CAMTA1: variants seen among roughly 807,000 people sequenced by gnomAD.
CAMTA1 encodes calmodulin binding transcription activator 1.
CAMTA1 carries 27 observed loss-of-function variants against 170.9 expected under a neutral mutation model. The observed-to-expected ratio is 0.16, with a 90% CI of 0.12 to 0.22. CAMTA1 has a LOEUF of 0.22. Ranked by LOEUF, CAMTA1 falls within the 10% of genes least tolerant of loss-of-function variation. CAMTA1 has a pLI of 1.00. For synonymous variants in CAMTA1, 833 were observed against 891.5 expected, an observed-to-expected ratio of 0.93 and a Z score of 1.17; for missense variants, 1,619 against 2,217.2, an observed-to-expected ratio of 0.73 and a Z score of 5.42.
intron 6 of CAMTA1, among the ~76,000 whole-genome samples, chr1:7,611,198 A>AGACCAG (rs2095521666): frequency 6.6e-6 from 1 of 152,212 alleles, no homozygotes; most frequent in Admixed American, 6.5e-5. Context: ...TGGGGATAAG[A>AGACCAG]GACCAGGGCC....
At chr1:7,212,342 G>C (rs972525649) in intron 4 of CAMTA1, among the ~76,000 whole-genome samples, 1 of 152,092 alleles carries the variant, frequency 6.6e-6, no homozygotes, top group African/African-American at 2.4e-5. Context: ...AAAAAAGTTA[G>C]ATCCAGAGAC....
chr1:7,283,387 A>G (rs1671791439), intron 5 of CAMTA1, among the ~76,000 whole-genome samples: 1 of 151,948 alleles, frequency 6.6e-6, no homozygotes. Context: ...CCCGCTCTCT[A>G]CTTTCTCCGA....
rs949552926 is a variant in CAMTA1, at chr1:7,050,208, C to T, written c.235-41096C>T. On this transcript the variant is annotated intron_variant, in intron 3 of 22. Coordinates refer to ENST00000303635, the MANE Select transcript of CAMTA1 (RefSeq NM_015215.4). This position sits in a 1 kb window ranked among gnomAD's most constrained non-coding sequence, Gnocchi z 4.8. Reference sequence around the variant, plus strand: ...CACGGAGGACTCAGGCGGCTGTTCCCGGCCTGCACCCTGGTCCTCCATGGT... The same window carrying T: ...CACGGAGGACTCAGGCGGCTGTTCCTGGCCTGCACCCTGGTCCTCCATGGT... 1.3e-5 allele frequency among the ~76,000 whole-genome samples: 2 copies of T among 152,144 alleles called. No individual in the cohort carries two copies. Among genetic ancestry groups the T allele is most frequent in the African/African-American group, 2.4e-5 (1 of 41,418 alleles).
chr1:7,736,371 A>T lies in CAMTA1; in HGVS notation c.3094A>T (p.Ser1032Cys). The change falls in exon 13 of 23, where the codon AGC (serine) becomes TGC (cysteine). Residue 1032 changes from serine (S) to cysteine (C), a missense_variant. Physicochemically the swap from Ser to Cys is moderately radical, Grantham distance 112. Coordinates refer to ENST00000303635, the MANE Select transcript of CAMTA1 (RefSeq NM_015215.4). This position sits in a 1 kb window ranked among gnomAD's most constrained non-coding sequence, Gnocchi z 4.5. ...QCASGTGALGSCFESRVVVVC... is the reference protein window; with the variant it reads ...QCASGTGALGCCFESRVVVVC... ...TGCTTCTGGGACTGGGGCCTTGGGG[A>T]GCTGCTTTGAGAGCCGTGTGGTCGT... 1.4e-5 allele frequency: 22 copies of T among 1,613,890 alleles called. No individual in the cohort carries two copies. Among genetic ancestry groups the T allele is most frequent in the Non-Finnish European group, 1.9e-5 (22 of 1,179,984 alleles).
chr1:6,799,399 G>A (rs1451204051), intron 1 of CAMTA1, among the ~76,000 whole-genome samples: 1 of 152,212 alleles, frequency 6.6e-6, no homozygotes, highest in Non-Finnish European at 1.5e-5. Context: ...GAATGCTGGT[G>A]AGCAGGACTC....
chr1:7,012,134 C>T (rs1177490614), intron 3 of CAMTA1, among the ~76,000 whole-genome samples: 1 of 152,140 alleles, frequency 6.6e-6, no homozygotes, highest in Non-Finnish European at 1.5e-5. Context: ...GCTGATGTCA[C>T]GGTTCAAGTT....
chr1:7,644,725 G>A (rs983465272), intron 7 of CAMTA1, among the ~76,000 whole-genome samples: 6 of 152,208 alleles, frequency 3.9e-5, no homozygotes, highest in South Asian at 4.1e-4. Context: ...CTCTGGTGTC[G>A]TTGGACAGAA....
chr1:7,011,124 G>A (rs1297937313), intron 3 of CAMTA1, among the ~76,000 whole-genome samples: 4 of 152,234 alleles, frequency 2.6e-5, no homozygotes, highest in Admixed American at 2.0e-4. Context: ...GCAGAAGGAA[G>A]CCACTGCAGA....
At chr1:7,238,156 C>T (rs1010546049) in intron 4 of CAMTA1, among the ~76,000 whole-genome samples, 1 of 145,304 alleles carries the variant, frequency 6.9e-6, no homozygotes, top group Non-Finnish European at 1.5e-5. Context: ...AGTCTTCTTT[C>T]TTTTTTTTTT....
At chr1:7,271,005 C>T (rs1252715096) in intron 5 of CAMTA1, among the ~76,000 whole-genome samples, 1 of 152,074 alleles carries the variant, frequency 6.6e-6, no homozygotes, top group Non-Finnish European at 1.5e-5. Flanking sequence ...GAAAATGAAA[C>T]CCAAAATCAT....
chr1:7,277,119 T>C (rs1373827775), intron 5 of CAMTA1, among the ~76,000 whole-genome samples: 1 of 152,162 alleles, frequency 6.6e-6, no homozygotes, highest in Non-Finnish European at 1.5e-5. Flanking sequence ...AGACTCAGTG[T>C]TGTTAAGATG....
chr1:6,913,227 A>G (rs1157060290), intron 3 of CAMTA1, among the ~76,000 whole-genome samples: 1 of 152,162 alleles, frequency 6.6e-6, no homozygotes, highest in Non-Finnish European at 1.5e-5. Flanking sequence ...TCTGGCGGCC[A>G]CTGCTTGGCC....
At chr1:7,111,254 C>G (rs1200445189) in intron 4 of CAMTA1, among the ~76,000 whole-genome samples, 1 of 152,206 alleles carries the variant, frequency 6.6e-6, no homozygotes, top group African/African-American at 2.4e-5. Flanking sequence ...ATTCAACTTG[C>G]CAACTTACTT....
intron 5 of CAMTA1, among the ~76,000 whole-genome samples, chr1:7,267,277 G>A (rs1377176419): frequency 6.6e-6 from 1 of 152,128 alleles, no homozygotes; most frequent in Non-Finnish European, 1.5e-5. Flanking sequence ...GCATTTCTGT[G>A]AAGTCATCAA....
intron 5 of CAMTA1, among the ~76,000 whole-genome samples, chr1:7,381,187 G>A (rs1457477743): frequency 1.3e-5 from 2 of 151,054 alleles, no homozygotes; most frequent in African/African-American, 4.9e-5. Context: ...AAGTTTTAGG[G>A]TACATGTGCA....
At chr1:6,792,720 A>C (rs768529797) in intron 1 of CAMTA1, among the ~76,000 whole-genome samples, 24 of 152,076 alleles carry the variant, frequency 1.6e-4, no homozygotes, top group Non-Finnish European at 2.6e-4. Flanking sequence ...TCTCCTGTAC[A>C]TGAATCCTTT....
chr1:7,492,335 C>T (rs562059708), intron 6 of CAMTA1, among the ~76,000 whole-genome samples: 2 of 152,280 alleles, frequency 1.3e-5, no homozygotes, highest in Admixed American at 6.5e-5. Flanking sequence ...GCAGGGCTTA[C>T]GGGCGTGACA....
At chr1:7,337,272 G>A (rs1354670043) in intron 5 of CAMTA1, among the ~76,000 whole-genome samples, 3 of 152,198 alleles carry the variant, frequency 2.0e-5, no homozygotes, top group Admixed American at 6.5e-5. Flanking sequence ...TCCTTTGAGG[G>A]GAGGTAAGCA....
At chr1:7,420,610 G>A (rs1399611273) in intron 5 of CAMTA1, among the ~76,000 whole-genome samples, 3 of 151,968 alleles carry the variant, frequency 2.0e-5, no homozygotes, top group Non-Finnish European at 2.9e-5. Flanking sequence ...ACAGAGCTGC[G>A]ATGTGTCTTG....
Sources: gnomAD v4.1 joint callset for allele counts (sites outside exome capture counted in the v4.1 genomes callset) on GRCh38, gnomAD v4.1.1 for gene constraint, Gnocchi (gnomAD v3.1) non-coding constraint, MANE v1.5 for transcripts, NCBI Gene and HGNC (gene_info 2026-07-23, HGNC 2026-07-21) for gene names.